GRID2: variants seen among roughly 807,000 people sequenced by gnomAD.
GRID2 encodes glutamate receptor ionotropic, delta-2.
A neutral mutation model predicts 114.8 loss-of-function variants in GRID2; 33 were observed. That is an observed-to-expected ratio of 0.29 (90% CI 0.22 to 0.38). The LOEUF is 0.38. GRID2 is among the 10% of genes least tolerant of loss of function. GRID2 has a pLI of 1.00. For synonymous variants in GRID2, 505 were observed against 449.9 expected, an observed-to-expected ratio of 1.12 and a Z score of -1.55; for missense variants, 1,184 against 1,257.7, an observed-to-expected ratio of 0.94 and a Z score of 0.89.
At chr4:92,660,393 AC>A (rs1319298398) in intron 2 of GRID2, among the ~76,000 whole-genome samples, 2 of 151,280 alleles carry the variant, frequency 1.3e-5, no homozygotes, top group Non-Finnish European at 3.0e-5. Context: ...ACTGTCCAAA[AC>A]GATGACTAAG....
chr4:92,442,771 T>A (rs920399591), intron 1 of GRID2, among the ~76,000 whole-genome samples: 6 of 152,092 alleles, frequency 3.9e-5, no homozygotes, highest in South Asian at 2.1e-4. Context: ...ATTTTTATAT[T>A]TGATGAAAAA....
chr4:92,759,202 A>T (rs1737869625), intron 2 of GRID2, among the ~76,000 whole-genome samples: 1 of 152,222 alleles, frequency 6.6e-6, no homozygotes, highest in South Asian at 2.1e-4. Context: ...ATAAACAAAC[A>T]GGTAGTGATC....
At chr4:93,406,434 A>G (rs1161136155) in intron 9 of GRID2, among the ~76,000 whole-genome samples, 2 of 152,212 alleles carry the variant, frequency 1.3e-5, no homozygotes, top group East Asian at 3.9e-4. Context: ...ATATTATCTC[A>G]TTTTTGAGAT....
intron 13 of GRID2, among the ~76,000 whole-genome samples, chr4:93,534,943 C>T (rs1731882562): frequency 1.3e-5 from 2 of 150,992 alleles, no homozygotes; most frequent in African/African-American, 2.4e-5. Flanking sequence ...CCATGCTGTA[C>T]ATCACATTTC....
intron 3 of GRID2, among the ~76,000 whole-genome samples, chr4:93,099,013 G>GTGTGTA (rs1466589023): frequency 6.6e-6 from 1 of 151,232 alleles, no homozygotes; most frequent in Non-Finnish European, 1.5e-5. Context: ...GTGTGTGTGT[G>GTGTGTA]TGTGTGTGTG....
chr4:93,491,188 T>C (rs1481479239), intron 12 of GRID2, among the ~76,000 whole-genome samples: 1 of 151,862 alleles, frequency 6.6e-6, no homozygotes, highest in Non-Finnish European at 1.5e-5. Flanking sequence ...GATACAGATG[T>C]TTGAGAGATA....
chr4:93,583,665 G>T (rs551952020), intron 13 of GRID2, among the ~76,000 whole-genome samples: 1 of 152,180 alleles, frequency 6.6e-6, no homozygotes. Flanking sequence ...AGTGGCAGGG[G>T]TCAGAATCAG....
chr4:92,584,833 C>G (rs1728351419), intron 1 of GRID2, among the ~76,000 whole-genome samples: 1 of 151,954 alleles, frequency 6.6e-6, no homozygotes. Flanking sequence ...ACAAGGACAC[C>G]TAACCTCCTA....
At chr4:93,504,351 T>G in intron 12 of GRID2, among the ~76,000 whole-genome samples, 1 of 152,010 alleles carries the variant, frequency 6.6e-6, no homozygotes, top group East Asian at 1.9e-4. Flanking sequence ...GTATATTGAA[T>G]AATTTTTTTC....
At chr4:92,930,574 C>A (rs919788086) in intron 2 of GRID2, among the ~76,000 whole-genome samples, 1 of 140,682 alleles carries the variant, frequency 7.1e-6, no homozygotes. Context: ...GTTACACTTT[C>A]GGCATTTTTT....
At position 93,110,904 on chromosome 4, in the gene GRID2, G is replaced by A. The variant is rs1232556187; in HGVS notation, c.686G>A (p.Arg229Gln). 5.0e-6 allele frequency: 8 copies of A among 1,613,120 alleles called. No individual in the cohort carries two copies. The highest frequency in any genetic ancestry group is 2.2e-5 in the East Asian group (1 of 44,874). Residue 229 changes from arginine to glutamine, a missense_variant, in exon 4 of 16, where the codon CGA becomes CAA. By Grantham distance (43) the Arg-to-Gln change is conservative. Around this residue, in one of 3 missense-constraint regions of GRID2, gnomAD observed 455 missense variants for 429.5 expected, o/e 1.06. Coordinates refer to ENST00000282020, the MANE Select transcript of GRID2 (RefSeq NM_001510.4). ...AATCGCTATCGAGACACTCTTAGGCGAGCGATCCTTGTTATGAATCCTGCT... is the reference window on the plus strand; with the variant it reads ...AATCGCTATCGAGACACTCTTAGGCAAGCGATCCTTGTTATGAATCCTGCT... ...ELNRYRDTLR[R>Q]AILVMNPATA... is the part of the protein sequence containing the mutation.
chr4:92,727,818 A>G (rs1318944609), intron 2 of GRID2, among the ~76,000 whole-genome samples: 2 of 152,062 alleles, frequency 1.3e-5, no homozygotes, highest in Non-Finnish European at 2.9e-5. Flanking sequence ...AAAGCAATTT[A>G]TGATTACTAG....
rs189472935 is a variant in GRID2 at position 93,220,238 on chromosome 4, T to A, written c.963+3327T>A. 6.2e-3 allele frequency among the ~76,000 whole-genome samples: 931 copies of A among 151,244 alleles called. 5 individuals carry two copies. The highest frequency in any genetic ancestry group is 0.021 in the African/African-American group (857 of 41,326). Reference sequence around the variant, plus strand: ...AAACACTGCCAAACTAAGCCTTTATTTATATATATATATATTTTTTTAGAT... The same window carrying A: ...AAACACTGCCAAACTAAGCCTTTATATATATATATATATATTTTTTTAGAT... On this transcript the variant is annotated intron_variant, in intron 6 of 15. Transcript: ENST00000282020.
chr4:93,177,890 C>T (rs946758704), intron 4 of GRID2, among the ~76,000 whole-genome samples: 4 of 151,826 alleles, frequency 2.6e-5, no homozygotes, highest in Non-Finnish European at 4.4e-5. Context: ...TATGTTAATG[C>T]TATACAGTCA....
chr4:93,335,875 A>G (rs1335159746), intron 8 of GRID2, among the ~76,000 whole-genome samples: 1 of 151,902 alleles, frequency 6.6e-6, no homozygotes, highest in Non-Finnish European at 1.5e-5. Flanking sequence ...TTTTTTGTAG[A>G]GACAGGGTTT....
intron 2 of GRID2, among the ~76,000 whole-genome samples, chr4:92,658,827 A>G (rs1244431095): frequency 7.6e-6 from 1 of 132,266 alleles, no homozygotes; most frequent in Non-Finnish European, 1.7e-5. Context: ...ATACACACAC[A>G]CAATCACATT....
chr4:92,950,649 T>C (rs1751963359), intron 2 of GRID2, among the ~76,000 whole-genome samples: 1 of 152,182 alleles, frequency 6.6e-6, no homozygotes. Flanking sequence ...CAACGAAGCA[T>C]GGCAATGCAA....
chr4:93,174,694 A>G (rs1381109849), intron 4 of GRID2, among the ~76,000 whole-genome samples: 2 of 152,144 alleles, frequency 1.3e-5, no homozygotes, highest in Non-Finnish European at 2.9e-5. Flanking sequence ...GCAAGCCAAG[A>G]ATACAGCCCT....
chr4:93,468,111 C>A (rs529629720), intron 11 of GRID2, among the ~76,000 whole-genome samples: 1 of 152,174 alleles, frequency 6.6e-6, no homozygotes, highest in East Asian at 1.9e-4. Flanking sequence ...GATACATATC[C>A]CTTCAGTCAT....
Sources: allele counts gnomAD v4.1 joint callset (sites outside exome capture counted in the v4.1 genomes callset), GRCh38; gene constraint gnomAD v4.1.1; regional missense constraint gnomAD v4.1.1; transcripts MANE v1.5; gene names NCBI Gene and HGNC (gene_info 2026-07-23, HGNC 2026-07-21).